Variants in MSRB3 observed in about 807,000 individuals in gnomAD.
MSRB3 encodes the protein methionine-R-sulfoxide reductase B3.
Under a neutral mutation model 21.0 loss-of-function variants are expected in MSRB3, and 13 were observed. The observed-to-expected ratio is 0.62, with a 90% CI of 0.40 to 0.98. The LOEUF is 0.98. Ranked by LOEUF, MSRB3 falls within the 50% of genes least tolerant of loss-of-function variation. The probability of loss-of-function intolerance (pLI) is 0.00; values close to 1 mark genes in which losing one functional copy is unlikely to be tolerated. For synonymous variants in MSRB3, 87 were observed against 88.6 expected (o/e 0.98, Z 0.10); for missense variants, 199 against 230.3 (o/e 0.86, Z 0.88).
intron 5 of MSRB3, among the ~76,000 whole-genome samples, chr12:65,424,668 A>T (rs1881485017): frequency 1.3e-5 from 2 of 152,014 alleles, no homozygotes; most frequent in African/African-American, 4.8e-5. Context: ...GTGGTTGGAA[A>T]AGATGCCTGA....
At chr12:65,453,589 C>T in intron 5 of MSRB3, 139 bp from the exon 6 acceptor site, 1 of 725,322 alleles carries the variant, frequency 1.4e-6, no homozygotes, top group Non-Finnish European at 2.5e-6. Flanking sequence ...CAGCTTTTGA[C>T]CTTTCTTTTT....
At chr12:65,282,676 G>GT (rs796149617) in intron 1 of MSRB3, among the ~76,000 whole-genome samples, 37,024 of 133,696 alleles carry the variant, frequency 0.28, 5,206 homozygotes, top group African/African-American at 0.3. Context: ...CTTTGCTGGT[G>GT]TTTTTTTTTT....
At chr12:65,436,237 T>TGTCACCAATAG (rs1882109703) in intron 5 of MSRB3, among the ~76,000 whole-genome samples, 1 of 151,864 alleles carries the variant, frequency 6.6e-6, no homozygotes, top group Non-Finnish European at 1.5e-5. Flanking sequence ...CCTATAAGTT[T>TGTCACCAATAG]GTCACCAATA....
intron 5 of MSRB3, among the ~76,000 whole-genome samples, chr12:65,417,752 G>C (rs1949334131): frequency 6.6e-6 from 1 of 152,082 alleles, no homozygotes; most frequent in African/African-American, 2.4e-5. Context: ...TTCTGTGCCT[G>C]GCTTGTTTCA....
intron 6 of MSRB3, among the ~76,000 whole-genome samples, chr12:65,460,663 C>T (rs1291079497): frequency 6.6e-6 from 1 of 152,086 alleles, no homozygotes; most frequent in Non-Finnish European, 1.5e-5. Context: ...TTTTTCTACC[C>T]CCATCCTCAA....
chr12:65,347,404 T>A (rs1448499298), intron 4 of MSRB3, among the ~76,000 whole-genome samples: 6 of 152,078 alleles, frequency 3.9e-5, no homozygotes, highest in Middle Eastern at 6.8e-3. Flanking sequence ...ATTGGTGTAT[T>A]AGAATGCTTT....
chr12:65,308,758 T>A, intron 2 of MSRB3, 103 bp downstream of exon 2: 1 of 1,534,978 alleles, frequency 6.5e-7, no homozygotes. Context: ...TTCATTTTCT[T>A]TTACTTGGGC....
At chr12:65,363,952 C>A (rs954687981) in intron 4 of MSRB3, among the ~76,000 whole-genome samples, 2 of 152,112 alleles carry the variant, frequency 1.3e-5, no homozygotes, top group African/African-American at 4.8e-5. Flanking sequence ...TGTTCCTGGG[C>A]AACAGAGTGA....
chr12:65,449,704 G>A (rs1327054999), intron 5 of MSRB3, among the ~76,000 whole-genome samples: 1 of 152,182 alleles, frequency 6.6e-6, no homozygotes, highest in African/African-American at 2.4e-5. Flanking sequence ...GCTGGGTTCT[G>A]TTGATGAGTC....
chr12:65,313,344 A>G (rs549467841), intron 2 of MSRB3, among the ~76,000 whole-genome samples: 1 of 152,256 alleles, frequency 6.6e-6, no homozygotes, highest in African/African-American at 2.4e-5. Flanking sequence ...ATGTACTTAA[A>G]AGATAATCAG....
chr12:65,315,287 A>G (rs59271872), intron 2 of MSRB3, among the ~76,000 whole-genome samples: 20 of 152,284 alleles, frequency 1.3e-4, no homozygotes, highest in African/African-American at 4.8e-4. Context: ...TCCTTATTTC[A>G]TTTATTTCAA....
At chr12:65,459,374 TAAA>T (rs1883221704) in intron 6 of MSRB3, among the ~76,000 whole-genome samples, 1 of 152,204 alleles carries the variant, frequency 6.6e-6, no homozygotes, top group Non-Finnish European at 1.5e-5. Flanking sequence ...TGCTGATGAT[TAAA>T]GATACACATG....
intron 5 of MSRB3, among the ~76,000 whole-genome samples, chr12:65,369,579 T>G (rs1204379794): frequency 6.6e-6 from 1 of 152,220 alleles, no homozygotes; most frequent in African/African-American, 2.4e-5. Context: ...CAGTGGCATA[T>G]CAGCCTCTTT....
intron 4 of MSRB3, among the ~76,000 whole-genome samples, chr12:65,332,528 T>C (rs11175726): frequency 0.083 from 12,628 of 151,954 alleles, 1,783 homozygotes; most frequent in African/African-American, 0.29. Flanking sequence ...GGAGATATAT[T>C]TAATGTAAAT....
chr12:65,396,898 G>T (rs1337046623), intron 5 of MSRB3, among the ~76,000 whole-genome samples: 1 of 152,088 alleles, frequency 6.6e-6, no homozygotes, highest in East Asian at 1.9e-4. Context: ...GTGTTGTTAA[G>T]TTCAACTATT....
intron 5 of MSRB3, among the ~76,000 whole-genome samples, chr12:65,411,636 CA>C (rs1565879769): frequency 6.6e-6 from 1 of 151,192 alleles, no homozygotes; most frequent in Non-Finnish European, 1.5e-5. Flanking sequence ...TTATGGAAGG[CA>C]AAAAAACATT....
chr12:65,384,979 T>C (rs1374872532), intron 5 of MSRB3, among the ~76,000 whole-genome samples: 1 of 152,176 alleles, frequency 6.6e-6, no homozygotes, highest in Non-Finnish European at 1.5e-5. Context: ...TTCTAGTGGC[T>C]CTGTCTTTTT....
chr12:65,339,501 A>G (rs1876001748), intron 4 of MSRB3, among the ~76,000 whole-genome samples: 1 of 152,230 alleles, frequency 6.6e-6, no homozygotes, highest in Admixed American at 6.5e-5. Context: ...TATTTCAAGT[A>G]CAGATATGAC....
At chr12:65,328,949 A>G (rs959480107) in intron 4 of MSRB3, among the ~76,000 whole-genome samples, 1 of 152,254 alleles carries the variant, frequency 6.6e-6, no homozygotes, top group African/African-American at 2.4e-5. Context: ...TTAAATATTT[A>G]TTGGAACATA....
Sources: gnomAD v4.1 joint callset for allele counts (sites outside exome capture counted in the v4.1 genomes callset) on GRCh38, gnomAD v4.1.1 for gene constraint, MANE v1.5 for transcripts, NCBI Gene and HGNC (gene_info 2026-07-23, HGNC 2026-07-21) for gene names.